GRIN2B: variants seen among roughly 807,000 people sequenced by gnomAD.
The protein encoded by GRIN2B is glutamate receptor ionotropic, NMDA 2B.
Under a neutral mutation model 114.5 loss-of-function variants are expected in GRIN2B, and 5 were observed. The observed-to-expected ratio is 0.04, with a 90% CI of 0.02 to 0.09. The LOEUF (loss-of-function observed/expected upper bound fraction) is 0.09, where lower values mean the gene tolerates loss of function less well. Among genes scored for constraint, GRIN2B ranks in the 10% least tolerant of loss-of-function variants. The probability of loss-of-function intolerance (pLI) is 1.00; values close to 1 mark genes in which losing one functional copy is unlikely to be tolerated. For missense variants in GRIN2B, 1,108 were observed against 1,943.5 expected, an observed-to-expected ratio of 0.57 and a Z score of 8.08; for synonymous variants, 787 against 745.1, an observed-to-expected ratio of 1.06 and a Z score of -0.92.
chr12:13,777,879 A>C (rs1313944984), intron 3 of GRIN2B, among the ~76,000 whole-genome samples: 3 of 152,142 alleles, frequency 2.0e-5, no homozygotes, highest in Non-Finnish European at 4.4e-5. Flanking sequence ...AATTTTTTAC[A>C]ATATCTGTGG....
At chr12:13,596,322 G>A (rs529738823) in intron 10 of GRIN2B, among the ~76,000 whole-genome samples, 6 of 152,320 alleles carry the variant, frequency 3.9e-5, no homozygotes, top group African/African-American at 1.4e-4. Context: ...AAACTGTGGT[G>A]CTAGTGATAA....
chr12:13,629,678 C>T (rs1949601153), intron 5 of GRIN2B, among the ~76,000 whole-genome samples: 2 of 151,944 alleles, frequency 1.3e-5, no homozygotes, highest in African/African-American at 4.8e-5. Flanking sequence ...TTTTCTCTCC[C>T]TCTCTCTTTT....
intron 3 of GRIN2B, among the ~76,000 whole-genome samples, chr12:13,783,642 C>A (rs1251938131): frequency 6.6e-6 from 1 of 152,038 alleles, no homozygotes; most frequent in Non-Finnish European, 1.5e-5. Flanking sequence ...TGTGAATACC[C>A]AGAGAAATTG....
intron 3 of GRIN2B, among the ~76,000 whole-genome samples, chr12:13,841,433 A>T (rs145556000): frequency 6.6e-6 from 1 of 152,298 alleles, no homozygotes; most frequent in Non-Finnish European, 1.5e-5. Context: ...GACACAGTAC[A>T]TTGATCACTT....
chr12:13,693,735 T>A (rs1000866134), intron 4 of GRIN2B, among the ~76,000 whole-genome samples: 6 of 152,154 alleles, frequency 3.9e-5, no homozygotes, highest in African/African-American at 1.4e-4. Context: ...AGAGGAAGCA[T>A]ACATCCCTCC....
chr12:13,715,823 G>A (rs1216089171), intron 4 of GRIN2B, among the ~76,000 whole-genome samples: 1 of 151,848 alleles, frequency 6.6e-6, no homozygotes, highest in Non-Finnish European at 1.5e-5. Flanking sequence ...TGTCATAAGA[G>A]CAAGTCCTTT....
At chr12:13,914,861 G>A (rs1866686221) in intron 2 of GRIN2B, among the ~76,000 whole-genome samples, 1 of 152,108 alleles carries the variant, frequency 6.6e-6, no homozygotes, top group South Asian at 2.1e-4. Context: ...ATATATGAGA[G>A]ATAAAAGAGT....
At chr12:13,943,095 C>T (rs1323731137) in intron 2 of GRIN2B, among the ~76,000 whole-genome samples, 5 of 152,108 alleles carry the variant, frequency 3.3e-5, no homozygotes, top group African/African-American at 1.2e-4. Flanking sequence ...AGAGCAGCCA[C>T]TGCTCCCGTC....
At chr12:13,608,491 G>T (rs1949318086) in intron 10 of GRIN2B, 112 bp downstream of exon 10, 3 of 762,490 alleles carry the variant, frequency 3.9e-6, no homozygotes, top group Non-Finnish European at 7.0e-6. Flanking sequence ...GAAAACATAA[G>T]AAAGAACGGT....
chr12:13,792,297 T>C (rs777605032), intron 3 of GRIN2B, among the ~76,000 whole-genome samples: 24 of 152,138 alleles, frequency 1.6e-4, no homozygotes, highest in Non-Finnish European at 3.2e-4. Flanking sequence ...AGAACTTACT[T>C]AAAGGAAAGG....
rs1390207661 is a variant in GRIN2B, at chr12:13,540,168, T to A, written c.*22615A>T. 1 of 152,188 alleles carries A rather than the reference T, an allele frequency of 6.6e-6. No homozygotes were observed. The highest frequency in any genetic ancestry group is 1.5e-5 in the Non-Finnish European group (1 of 68,036). 9.4% of individuals were successfully genotyped at this position (152,188 alleles called of 1,614,324 possible). On this transcript the variant is annotated 3_prime_UTR_variant, in exon 14 of 14. Transcript: ENST00000609686. ...AAGGGGTTTTTCCCAAACAGCACTT[T>A]TAACAATCTTTTTGGAATCACAGTA...
intron 2 of GRIN2B, among the ~76,000 whole-genome samples, chr12:13,978,202 T>C (rs1012309301): frequency 2.0e-5 from 3 of 152,214 alleles, no homozygotes; most frequent in Non-Finnish European, 4.4e-5. Flanking sequence ...GCTGCCTTTC[T>C]CACCCATACC....
At chr12:13,829,302 A>T (rs1371103724) in intron 3 of GRIN2B, among the ~76,000 whole-genome samples, 1 of 152,228 alleles carries the variant, frequency 6.6e-6, no homozygotes, top group Non-Finnish European at 1.5e-5. Context: ...TGTAACTGCC[A>T]TTAGATCTAA....
intron 3 of GRIN2B, among the ~76,000 whole-genome samples, chr12:13,835,067 G>A (rs1374228288): frequency 2.6e-5 from 4 of 152,132 alleles, no homozygotes; most frequent in Admixed American, 6.5e-5. Context: ...GAGTTAAATC[G>A]GTCTTGCTTT....
intron 2 of GRIN2B, among the ~76,000 whole-genome samples, chr12:13,869,572 C>T (rs1441727304): frequency 1.3e-5 from 2 of 152,088 alleles, no homozygotes; most frequent in Non-Finnish European, 2.9e-5. Flanking sequence ...CTCACAAAAA[C>T]ATTGTAAGTC....
intron 5 of GRIN2B, among the ~76,000 whole-genome samples, chr12:13,667,551 C>T (rs140128372): frequency 5.3e-5 from 8 of 152,158 alleles, no homozygotes; most frequent in Non-Finnish European, 1.2e-4. Flanking sequence ...TTCTATTTAA[C>T]ATGCATATGA....
chr12:13,621,363 C>T (rs1949511009), intron 5 of GRIN2B, among the ~76,000 whole-genome samples: 1 of 151,970 alleles, frequency 6.6e-6, no homozygotes. Flanking sequence ...GCGAGAAGAA[C>T]TGAATGAAGA....
chr12:13,967,709 A>G (rs547337362), intron 2 of GRIN2B, among the ~76,000 whole-genome samples: 1 of 152,300 alleles, frequency 6.6e-6, no homozygotes, highest in South Asian at 2.1e-4. Flanking sequence ...GAGACACGAT[A>G]GCAGTCCTTT....
chr12:13,753,724 C>A lies in GRIN2B; in HGVS notation c.603G>T (p.Glu201Asp). Residue 201 changes from glutamate (E) to aspartate (D), a missense_variant, in exon 4 of 14, where the codon GAG (glutamate) becomes GAT (aspartate). Glu to Asp is a conservative substitution (Grantham distance 45). Transcript: ENST00000609686. The surrounding 1 kb of genome is among the most constrained non-coding windows in gnomAD (Gnocchi z 6.2). ...ENSFVGWELE[E>D]VLLLDMSLDD... ...CCAGGGACATGTCCAGTAGGAGGAC[C>A]TCCTCTAGCTCCCAGCCCACAAAGC... 6.2e-7 allele frequency: 1 copy of A among 1,614,176 alleles called. No homozygotes were observed. The highest frequency in any genetic ancestry group is 8.5e-7 in the Non-Finnish European group (1 of 1,180,020).
Sources: allele counts gnomAD v4.1 joint callset (sites outside exome capture counted in the v4.1 genomes callset), GRCh38; gene constraint gnomAD v4.1.1; non-coding constraint Gnocchi (gnomAD v3.1); transcripts MANE v1.5; gene names NCBI Gene and HGNC (gene_info 2026-07-23, HGNC 2026-07-21).